Variants in HS6ST1 observed in about 807,000 individuals in gnomAD.
The protein encoded by HS6ST1 is heparan sulfate 6-O-sulfotransferase 1, also known as heparan-sulfate 6-O-sulfotransferase 1.
In HS6ST1, 3 loss-of-function variants were observed where a neutral mutation model predicts 25.2. The ratio of observed to expected loss-of-function variants is 0.12; its 90% CI spans 0.05 to 0.31. The LOEUF is 0.31. Ranked by LOEUF, HS6ST1 falls within the 10% of genes least tolerant of loss-of-function variation. The pLI, the probability that HS6ST1 is intolerant of heterozygous loss-of-function variation, is 1.00. For synonymous variants in HS6ST1, 204 were observed against 275.1 expected (o/e 0.74, Z 2.56); for missense variants, 310 against 609.6 (o/e 0.51, Z 5.18).
chr2:128,307,760 GC>G (rs1694234283), intron 1 of HS6ST1, among the ~76,000 whole-genome samples: 1 of 152,174 alleles, frequency 6.6e-6, no homozygotes, highest in Non-Finnish European at 1.5e-5. Flanking sequence ...AGCCAAGAGT[GC>G]CCGCCCAAAC....
intron 1 of HS6ST1, among the ~76,000 whole-genome samples, chr2:128,301,261 G>A (rs540807453): frequency 1.3e-4 from 19 of 151,950 alleles, no homozygotes; most frequent in Admixed American, 1.2e-3. Context: ...GTGAGGCAGG[G>A]CTGCATGGCT....
intron 1 of HS6ST1, among the ~76,000 whole-genome samples, chr2:128,301,081 T>C (rs556307479): frequency 4.6e-4 from 70 of 152,340 alleles, no homozygotes; most frequent in Middle Eastern, 3.4e-3. Context: ...GAATGGTCTA[T>C]AGAAACCAGC....
At chr2:128,317,983 C>G (rs1305563479) in intron 1 of HS6ST1, 54 bp downstream of exon 1, 2 of 1,392,816 alleles carry the variant, frequency 1.4e-6, no homozygotes, top group African/African-American at 3.1e-5. Context: ...GGCGGGCATA[C>G]GGCCCGGCCT....
intron 1 of HS6ST1, among the ~76,000 whole-genome samples, chr2:128,288,984 A>C (rs576545764): frequency 4.6e-5 from 7 of 152,302 alleles, no homozygotes; most frequent in African/African-American, 1.4e-4. Context: ...TCTGCAGCGA[A>C]GAGGGGCTGA....
chr2:128,316,840 A>G (rs1694371983), intron 1 of HS6ST1, among the ~76,000 whole-genome samples: 1 of 152,110 alleles, frequency 6.6e-6, no homozygotes, highest in Admixed American at 6.5e-5. Context: ...GCAGGGGAGC[A>G]GTGTCTCGGA....
chr2:128,313,611 C>T (rs1487722212), intron 1 of HS6ST1, among the ~76,000 whole-genome samples: 1 of 152,168 alleles, frequency 6.6e-6, no homozygotes, highest in African/African-American at 2.4e-5. Context: ...AGACCAGGCC[C>T]CTTCTCCTCC....
intron 1 of HS6ST1, among the ~76,000 whole-genome samples, chr2:128,302,030 G>C (rs1694138550): frequency 6.6e-6 from 1 of 152,172 alleles, no homozygotes. Flanking sequence ...GCCCCAATGA[G>C]AAGACATTCC....
intron 1 of HS6ST1, among the ~76,000 whole-genome samples, chr2:128,292,403 G>T (rs115153105): frequency 0.014 from 2,081 of 152,330 alleles, 57 homozygotes; most frequent in African/African-American, 0.048. Context: ...TCAGGGCAGG[G>T]ACGCCCACAC....
chr2:128,302,833 G>GCAC (rs1420815376), intron 1 of HS6ST1, among the ~76,000 whole-genome samples: 1 of 152,190 alleles, frequency 6.6e-6, no homozygotes, highest in Non-Finnish European at 1.5e-5. Context: ...CCCTCCCAAG[G>GCAC]CCTCTTTTGG....
intron 1 of HS6ST1, among the ~76,000 whole-genome samples, chr2:128,281,511 C>T (rs994508804): frequency 2.0e-5 from 3 of 152,322 alleles, no homozygotes; most frequent in South Asian, 2.1e-4. Context: ...TGCTGCTGAC[C>T]GGAAAGCGGA....
At chr2:128,280,042 C>A (rs1001558118) in intron 1 of HS6ST1, among the ~76,000 whole-genome samples, 15 of 152,188 alleles carry the variant, frequency 9.9e-5, no homozygotes, top group Non-Finnish European at 2.9e-5. Context: ...GAAATGAGAA[C>A]CTTCAGGAGG....
chr2:128,304,146 G>C (rs1020874945), intron 1 of HS6ST1, among the ~76,000 whole-genome samples: 1 of 152,234 alleles, frequency 6.6e-6, no homozygotes, highest in African/African-American at 2.4e-5. Context: ...GCAGATGGCA[G>C]ATCTCGGGTC....
intron 1 of HS6ST1, among the ~76,000 whole-genome samples, chr2:128,272,517 C>T (rs1020592274): frequency 6.6e-6 from 1 of 152,114 alleles, no homozygotes; most frequent in Non-Finnish European, 1.5e-5. Flanking sequence ...TCAGTTACCA[C>T]GTGTCCGACG....
chr2:128,301,655 T>TATGAGC (rs1273387731), intron 1 of HS6ST1, among the ~76,000 whole-genome samples: 2 of 152,158 alleles, frequency 1.3e-5, no homozygotes, highest in Admixed American at 6.5e-5. Flanking sequence ...GATGTGTGTA[T>TATGAGC]ATGAGCGTGA....
intron 1 of HS6ST1, among the ~76,000 whole-genome samples, chr2:128,297,082 C>A (rs1048085987): frequency 6.6e-6 from 1 of 152,094 alleles, no homozygotes; most frequent in African/African-American, 2.4e-5. Flanking sequence ...AAAAAAAACC[C>A]CAAACCAAAA....
At chr2:128,280,833 C>T (rs1026588099) in intron 1 of HS6ST1, among the ~76,000 whole-genome samples, 1 of 152,214 alleles carries the variant, frequency 6.6e-6, no homozygotes, top group African/African-American at 2.4e-5. Context: ...GGCTGTGCTG[C>T]CCACACCCCT....
chr2:128,281,314 G>A (rs1271309580), intron 1 of HS6ST1, among the ~76,000 whole-genome samples: 3 of 152,208 alleles, frequency 2.0e-5, no homozygotes, highest in Non-Finnish European at 4.4e-5. Flanking sequence ...TTACGGATGG[G>A]TGGAAAGGCA....
intron 1 of HS6ST1, among the ~76,000 whole-genome samples, chr2:128,287,278 G>C (rs959648299): frequency 4.6e-5 from 7 of 152,146 alleles, no homozygotes; most frequent in Non-Finnish European, 1.0e-4. Context: ...GATATATCCA[G>C]GGCCCAGGGC....
intron 1 of HS6ST1, among the ~76,000 whole-genome samples, chr2:128,294,415 T>C (rs1359745824): frequency 6.6e-6 from 1 of 152,170 alleles, no homozygotes; most frequent in Non-Finnish European, 1.5e-5. Flanking sequence ...TCTCAGCCTG[T>C]CTACTGGGTA....
Sources: allele counts gnomAD v4.1 joint callset (sites outside exome capture counted in the v4.1 genomes callset), GRCh38; gene constraint gnomAD v4.1.1; transcripts MANE v1.5; gene names NCBI Gene and HGNC (gene_info 2026-07-23, HGNC 2026-07-21).